RBFOX1: variants seen among roughly 807,000 people sequenced by gnomAD.
RBFOX1 encodes the protein RNA binding protein fox-1 homolog 1.
In RBFOX1, 8 loss-of-function variants were observed where a neutral mutation model predicts 57.7. The observed-to-expected ratio is 0.14, with a 90% confidence interval of 0.08 to 0.25. RBFOX1 has a LOEUF of 0.25. RBFOX1 is among the 10% of genes least tolerant of loss of function. RBFOX1 has a pLI of 1.00. For synonymous variants in RBFOX1, 326 were observed against 222.4 expected, an observed-to-expected ratio of 1.47 and a Z score of -4.15; for missense variants, 611 against 548.5, an observed-to-expected ratio of 1.11 and a Z score of -1.14.
chr16:7,636,782 T>A (rs1033673954), intron 11 of RBFOX1, among the ~76,000 whole-genome samples: 1 of 152,176 alleles, frequency 6.6e-6, no homozygotes, highest in Admixed American at 6.5e-5. Flanking sequence ...GGCTTTCTTC[T>A]TGGCTTACAG....
In RBFOX1 at chr16:5,403,198, A is replaced by C. The variant is rs564834575; in HGVS notation, c.220-64018A>C. ...AAACCCCATCTCTACTAAAAACACA[A>C]AATTAGCTGGGTGTGGTGGTGCATG... On this transcript the variant is annotated intron_variant, in intron 1 of 2. Transcript: ENST00000585867. 1.7e-3 allele frequency among the ~76,000 whole-genome samples: 254 copies of C among 151,952 alleles called. 2 individuals are homozygous for C. The highest frequency in any genetic ancestry group is 5.6e-3 in the African/African-American group (231 of 41,454).
intron 3 of RBFOX1, among the ~76,000 whole-genome samples, chr16:6,865,484 G>T (rs1411568199): frequency 6.6e-6 from 1 of 152,036 alleles, no homozygotes; most frequent in African/African-American, 2.4e-5. Context: ...GCACCTTCTT[G>T]TTTTTTAACA....
At chr16:6,754,510 C>A (rs2075467313) in intron 3 of RBFOX1, among the ~76,000 whole-genome samples, 1 of 152,138 alleles carries the variant, frequency 6.6e-6, no homozygotes, top group African/African-American at 2.4e-5. Context: ...TTGAAGCACT[C>A]TTCGGGTTCC....
chr16:6,600,748 C>G (rs191885940), intron 2 of RBFOX1, among the ~76,000 whole-genome samples: 15 of 151,742 alleles, frequency 9.9e-5, no homozygotes, highest in Non-Finnish European at 1.6e-4. Flanking sequence ...CACAGACAGA[C>G]AGTATAAGTA....
intron 3 of RBFOX1, among the ~76,000 whole-genome samples, chr16:6,727,510 C>G (rs140361469): frequency 2.0e-5 from 3 of 152,026 alleles, no homozygotes; most frequent in African/African-American, 4.8e-5. Flanking sequence ...AAATTGTACA[C>G]TGATTTATTA....
intron 3 of RBFOX1, among the ~76,000 whole-genome samples, chr16:5,673,085 G>A (rs946302642): frequency 3.9e-5 from 6 of 152,138 alleles, no homozygotes; most frequent in Admixed American, 2.6e-4. Flanking sequence ...TATGTCTAGC[G>A]GCATCTCTGC....
At chr16:5,331,787 A>T (rs1029238176) in intron 1 of RBFOX1, among the ~76,000 whole-genome samples, 1 of 152,252 alleles carries the variant, frequency 6.6e-6, no homozygotes, top group Non-Finnish European at 1.5e-5. Flanking sequence ...TGTAGAAGTC[A>T]CTGATGAAAG....
intron 1 of RBFOX1, among the ~76,000 whole-genome samples, chr16:6,146,114 C>A (rs2096756188): frequency 6.6e-6 from 1 of 152,124 alleles, no homozygotes; most frequent in Non-Finnish European, 1.5e-5. Flanking sequence ...CCTGAAGCAC[C>A]TTTCTGACCC....
At chr16:7,116,673 G>T (rs540379715) in intron 4 of RBFOX1, among the ~76,000 whole-genome samples, 4 of 152,204 alleles carry the variant, frequency 2.6e-5, no homozygotes, top group Admixed American at 6.5e-5. Flanking sequence ...TGGAATGCCA[G>T]TGAAGCTACC....
At chr16:5,516,740 T>C (rs897940601) in intron 2 of RBFOX1, among the ~76,000 whole-genome samples, 4 of 152,100 alleles carry the variant, frequency 2.6e-5, no homozygotes, top group African/African-American at 9.7e-5. Flanking sequence ...CATGCTGTTC[T>C]CGAGATAGTG....
At chr16:5,576,910 G>T (rs1449837756) in intron 2 of RBFOX1, among the ~76,000 whole-genome samples, 5 of 152,368 alleles carry the variant, frequency 3.3e-5, no homozygotes, top group Admixed American at 6.5e-5. Context: ...TAAGTTCTCA[G>T]AGTGGCTTAT....
intron 1 of RBFOX1, among the ~76,000 whole-genome samples, chr16:6,118,527 G>C (rs888963906): frequency 6.6e-6 from 1 of 151,966 alleles, no homozygotes; most frequent in Non-Finnish European, 1.5e-5. Flanking sequence ...GGCTGCTGCT[G>C]CCGCCGCCTC....
chr16:6,956,586 G>A (rs1406250455), intron 3 of RBFOX1, among the ~76,000 whole-genome samples: 1 of 152,216 alleles, frequency 6.6e-6, no homozygotes, highest in African/African-American at 2.4e-5. Flanking sequence ...GTCAGGTGTG[G>A]GAGACAGAGG....
At chr16:7,259,257 C>T (rs570126046) in intron 4 of RBFOX1, among the ~76,000 whole-genome samples, 3 of 152,234 alleles carry the variant, frequency 2.0e-5, no homozygotes, top group Admixed American at 6.5e-5. Context: ...GGAAGGCTTT[C>T]GCTAGTAGGA....
At chr16:5,355,775 A>T (rs1476850130) in intron 1 of RBFOX1, among the ~76,000 whole-genome samples, 1 of 152,216 alleles carries the variant, frequency 6.6e-6, no homozygotes, top group African/African-American at 2.4e-5. Flanking sequence ...GTAAGCCCTA[A>T]TCCAACATCT....
At chr16:5,380,460 A>G (rs547357793) in intron 1 of RBFOX1, among the ~76,000 whole-genome samples, 2 of 152,298 alleles carry the variant, frequency 1.3e-5, no homozygotes, top group South Asian at 4.1e-4. Context: ...TCGTCTTTAT[A>G]CTAAATGTGC....
chr16:6,284,898 G>A lies in RBFOX1; in HGVS notation c.-126-32097G>A, dbSNP rs140328469. Among the ~76,000 whole-genome samples, 248 of 152,212 alleles carry A rather than the reference G, an allele frequency of 1.6e-3. 1 individual carries two copies. The highest frequency in any genetic ancestry group is 5.9e-3 in the African/African-American group (245 of 41,524). On this transcript the variant is annotated intron_variant, in intron 1 of 15. Transcript: ENST00000550418. ...GCTTATTAACTGCAGTTTGTGAAAT[G>A]GAGTGAAAACAAATACGCTTCCAAA...
rs540975134 is a variant in RBFOX1 at position 5,415,533 on chromosome 16, C to T, written c.220-51683C>T. Among the ~76,000 whole-genome samples, 219 of 152,294 alleles carry T rather than the reference C, an allele frequency of 1.4e-3. 1 individual carries two copies. The highest frequency in any genetic ancestry group is 5.1e-3 in the African/African-American group (210 of 41,564). On this transcript the variant is annotated intron_variant, in intron 1 of 2. Transcript: ENST00000585867. ...GGGATCCAACTCCAGGACCTGCTCT[C>T]CTCATTGTACATCTTCAACAGAAAA... is the stretch of plus-strand genomic sequence containing the variant.
At chr16:7,471,449 C>T (rs1265871524) in intron 4 of RBFOX1, among the ~76,000 whole-genome samples, 1 of 152,140 alleles carries the variant, frequency 6.6e-6, no homozygotes, top group African/African-American at 2.4e-5. Flanking sequence ...GTTACCATGA[C>T]TCATTTTTAT....
Sources: gnomAD v4.1 joint callset for allele counts (sites outside exome capture counted in the v4.1 genomes callset) on GRCh38, gnomAD v4.1.1 for gene constraint, MANE v1.5 for transcripts, NCBI Gene and HGNC (gene_info 2026-07-23, HGNC 2026-07-21) for gene names.